Variants in BACH2 observed in about 807,000 individuals in gnomAD.
BACH2 encodes transcription regulator protein BACH2.
In BACH2, 5 loss-of-function variants were observed where a neutral mutation model predicts 61.8. The observed-to-expected ratio is 0.08, with a 90% CI of 0.04 to 0.17. BACH2 has a LOEUF of 0.17. BACH2 is among the 10% of genes least tolerant of loss of function. The pLI is 1.00. For missense variants in BACH2, 824 were observed against 1,091.1 expected (o/e 0.76, Z 3.45); for synonymous variants, 446 against 440.1 (o/e 1.01, Z -0.17).
At chr6:90,170,471 A>C (rs1451807029) in intron 4 of BACH2, among the ~76,000 whole-genome samples, 1 of 152,208 alleles carries the variant, frequency 6.6e-6, no homozygotes, top group African/African-American at 2.4e-5. Flanking sequence ...TCCAGCACCT[A>C]AAATGTAGGG....
chr6:89,960,747 T>C (rs1774696104), intron 6 of BACH2, among the ~76,000 whole-genome samples: 1 of 152,226 alleles, frequency 6.6e-6, no homozygotes, highest in Admixed American at 6.5e-5. Flanking sequence ...AAAGCAGAAA[T>C]GCCCTTCTGG....
intron 4 of BACH2, among the ~76,000 whole-genome samples, chr6:90,196,085 G>A (rs904281609): frequency 1.3e-5 from 2 of 150,722 alleles, no homozygotes; most frequent in African/African-American, 4.9e-5. Flanking sequence ...GGTAGCGAGA[G>A]AATGAGCCAC....
chr6:90,102,634 C>T (rs1782690593), intron 4 of BACH2, among the ~76,000 whole-genome samples: 2 of 151,684 alleles, frequency 1.3e-5, no homozygotes, highest in African/African-American at 2.4e-5. Flanking sequence ...ACTAAAAATA[C>T]AAACAATTAG....
At chr6:90,055,332 G>A (rs909795146) in intron 5 of BACH2, among the ~76,000 whole-genome samples, 1 of 152,212 alleles carries the variant, frequency 6.6e-6, no homozygotes, top group African/African-American at 2.4e-5. Flanking sequence ...GAATGCAGAA[G>A]CCTCAGTAGC....
At chr6:90,192,595 A>T (rs887280019) in intron 4 of BACH2, among the ~76,000 whole-genome samples, 1 of 152,114 alleles carries the variant, frequency 6.6e-6, no homozygotes, top group African/African-American at 2.4e-5. Flanking sequence ...GAAATATATC[A>T]TTTTTCAGCA....
chr6:90,100,342 G>A (rs578086621), intron 4 of BACH2, among the ~76,000 whole-genome samples: 76 of 152,232 alleles, frequency 5.0e-4, no homozygotes, highest in African/African-American at 1.8e-3. Context: ...GTGTTAATTT[G>A]GCTAAGTCAC....
chr6:90,054,695 C>T (rs952144033), intron 5 of BACH2, among the ~76,000 whole-genome samples: 2 of 152,202 alleles, frequency 1.3e-5, no homozygotes, highest in Non-Finnish European at 2.9e-5. Flanking sequence ...TCCCTGACCC[C>T]CGAGGAGCCT....
intron 4 of BACH2, among the ~76,000 whole-genome samples, chr6:90,182,327 C>T (rs1051470106): frequency 6.6e-6 from 1 of 152,202 alleles, no homozygotes; most frequent in Non-Finnish European, 1.5e-5. Flanking sequence ...ACTGTTCCTT[C>T]TATCTGGAAT....
At chr6:90,270,762 A>G (rs1771492313) in intron 2 of BACH2, among the ~76,000 whole-genome samples, 1 of 152,172 alleles carries the variant, frequency 6.6e-6, no homozygotes, top group African/African-American at 2.4e-5. Flanking sequence ...AAAGGTACAC[A>G]TAGCCAATAG....
intron 4 of BACH2, among the ~76,000 whole-genome samples, chr6:90,128,566 C>T (rs1003333159): frequency 5.3e-5 from 8 of 152,132 alleles, no homozygotes; most frequent in African/African-American, 1.7e-4. Flanking sequence ...GGTGGCAGGG[C>T]GAGACTCTGT....
intron 3 of BACH2, among the ~76,000 whole-genome samples, chr6:90,240,139 T>C (rs1770396478): frequency 6.6e-6 from 1 of 152,218 alleles, no homozygotes; most frequent in African/African-American, 2.4e-5. Flanking sequence ...TTAAAAGTTC[T>C]ATTTGTACTA....
chr6:89,982,323 G>A (rs1276667503), intron 6 of BACH2, among the ~76,000 whole-genome samples: 14 of 152,066 alleles, frequency 9.2e-5, no homozygotes, highest in African/African-American at 3.4e-4. Context: ...TTGGGCACGT[G>A]GGGGTGGGGT....
chr6:90,041,597 T>C (rs1238137420), intron 5 of BACH2, among the ~76,000 whole-genome samples: 2 of 152,126 alleles, frequency 1.3e-5, no homozygotes, highest in Non-Finnish European at 2.9e-5. Flanking sequence ...TCTTCTATGG[T>C]GGTTGGTCTG....
At chr6:90,267,311 CAT>C (rs1195887941) in intron 2 of BACH2, among the ~76,000 whole-genome samples, 2 of 152,112 alleles carry the variant, frequency 1.3e-5, no homozygotes, top group Non-Finnish European at 1.5e-5. Context: ...GGCCCTTAAA[CAT>C]ATGAAAAGAA....
intron 4 of BACH2, among the ~76,000 whole-genome samples, chr6:90,152,051 T>G (rs1245473917): frequency 6.6e-6 from 1 of 152,258 alleles, no homozygotes; most frequent in African/African-American, 2.4e-5. Context: ...ACACCCATTA[T>G]TTTCTCTGCA....
chr6:90,250,200 G>C (rs996700231), intron 3 of BACH2, among the ~76,000 whole-genome samples: 9 of 152,114 alleles, frequency 5.9e-5, no homozygotes, highest in Admixed American at 4.6e-4. Context: ...AAGCAAAAAG[G>C]CTTGAATTTA....
chr6:89,972,342 T>C (rs1170059541), intron 6 of BACH2, among the ~76,000 whole-genome samples: 1 of 151,746 alleles, frequency 6.6e-6, no homozygotes, highest in Non-Finnish European at 1.5e-5. Flanking sequence ...CAGGCAGTGG[T>C]GTTGGGAAGG....
intron 3 of BACH2, among the ~76,000 whole-genome samples, chr6:90,230,228 G>A (rs1770050480): frequency 1.3e-5 from 2 of 152,174 alleles, no homozygotes; most frequent in African/African-American, 4.8e-5. Flanking sequence ...TAAAAACGGA[G>A]ATAACTGATA....
In BACH2 at chr6:90,008,253, C is replaced by T; in HGVS notation, c.243+349G>A. 1 of 304,836 alleles carries T rather than the reference C, an allele frequency of 3.3e-6. No individual in the cohort carries two copies. Among genetic ancestry groups the T allele is most frequent in the Non-Finnish European group, 6.2e-6 (1 of 161,116 alleles). 18.9% of individuals were successfully genotyped at this position (304,836 alleles called of 1,614,324 possible). A position where few individuals can be genotyped will look rare whatever the true frequency, so the allele number is the denominator to read the frequency against. On this transcript the variant is annotated intron_variant, in intron 6 of 8. Transcript: ENST00000257749. The surrounding 1 kb of genome is among the most constrained non-coding windows in gnomAD (Gnocchi z 4.1). Reference sequence around the variant, plus strand: ...CTCAAGGGAAATCTAGTGATCCTTACACCATCTGAAAGACAGAAATCATAG... The same window carrying T: ...CTCAAGGGAAATCTAGTGATCCTTATACCATCTGAAAGACAGAAATCATAG...
Sources: allele counts gnomAD v4.1 joint callset (sites outside exome capture counted in the v4.1 genomes callset), GRCh38; gene constraint gnomAD v4.1.1; non-coding constraint Gnocchi (gnomAD v3.1); transcripts MANE v1.5; gene names NCBI Gene and HGNC (gene_info 2026-07-23, HGNC 2026-07-21).